CSE1L: variants seen among roughly 807,000 people sequenced by gnomAD.
The protein encoded by CSE1L is exportin-2.
A neutral mutation model predicts 120.4 loss-of-function variants in CSE1L; 24 were observed. The ratio of observed to expected loss-of-function variants is 0.20; its 90% CI spans 0.14 to 0.28. The LOEUF (loss-of-function observed/expected upper bound fraction) is 0.28, where lower values mean the gene tolerates loss of function less well. Among genes scored for constraint, CSE1L ranks in the 10% least tolerant of loss-of-function variants. The pLI is 1.00. For missense variants in CSE1L, 830 were observed against 1,145.2 expected, an observed-to-expected ratio of 0.72 and a Z score of 3.97; for synonymous variants, 402 against 398.3, an observed-to-expected ratio of 1.01 and a Z score of -0.11.
chr20:49,081,637 G>A (rs941044667), intron 14 of CSE1L, among the ~76,000 whole-genome samples: 5 of 152,086 alleles, frequency 3.3e-5, no homozygotes, highest in East Asian at 1.9e-4. Flanking sequence ...TCTTTTCGGT[G>A]AACTGTGAAT....
intron 10 of CSE1L, among the ~76,000 whole-genome samples, chr20:49,073,949 C>T (rs1025351642): frequency 6.6e-6 from 1 of 151,850 alleles, no homozygotes; most frequent in African/African-American, 2.4e-5. Flanking sequence ...GTGTGGTGGC[C>T]CATACCTTTA....
Position 49,075,269 on chromosome 20 carries a change from T to G in CSE1L, c.1133-49T>G, listed in dbSNP as rs145472077. The stretch of plus-strand genomic sequence containing the variant: ...TTTTCTTATAAATTGGATCAGCTTG[T>G]TGGTGGTTGTTTTTTTTCCCCATAA... On this transcript the variant is annotated intron_variant, in intron 11 of 24. Transcript: ENST00000262982. 6.8e-4 allele frequency: 947 copies of G among 1,402,954 alleles called. 1 individual carries two copies. Among genetic ancestry groups the G allele is most frequent in the Middle Eastern group, 4.1e-3 (23 of 5,604 alleles). The allele number at this position is 1,402,954 out of a possible 1,614,324, so 86.9% of individuals were successfully genotyped here.
chr20:49,077,970 C>T (rs1376154881), intron 13 of CSE1L, among the ~76,000 whole-genome samples: 1 of 151,902 alleles, frequency 6.6e-6, no homozygotes, highest in Non-Finnish European at 1.5e-5. Context: ...TGCCACTGCA[C>T]TCTAGCCTGG....
chr20:49,047,162 C>T (rs1203577981), intron 1 of CSE1L, among the ~76,000 whole-genome samples: 1 of 152,152 alleles, frequency 6.6e-6, no homozygotes. Flanking sequence ...TGGGTTCATT[C>T]CAGACGTAGC....
intron 1 of CSE1L, among the ~76,000 whole-genome samples, chr20:49,049,021 G>GT (rs1219850567): frequency 2.0e-5 from 3 of 152,210 alleles, no homozygotes; most frequent in African/African-American, 7.2e-5. Flanking sequence ...TTGAGGGCCT[G>GT]TGGGAAGATG....
intron 21 of CSE1L, among the ~76,000 whole-genome samples, chr20:49,091,716 C>G (rs1054669280): frequency 2.6e-5 from 4 of 152,154 alleles, no homozygotes; most frequent in Non-Finnish European, 5.9e-5. Flanking sequence ...GTGAAACCTT[C>G]TCACAAGAAA....
intron 7 of CSE1L, among the ~76,000 whole-genome samples, chr20:49,069,167 G>A (rs1341818811): frequency 6.6e-6 from 1 of 152,050 alleles, no homozygotes; most frequent in Admixed American, 6.6e-5. Flanking sequence ...ATTAACATTT[G>A]GGGAATCATG....
In CSE1L at chr20:49,094,232, C is replaced by T; in HGVS notation, c.2540C>T (p.Thr847Ile). 1 of 1,612,706 alleles carries T rather than the reference C, an allele frequency of 6.2e-7. No homozygotes were observed. The highest frequency in any genetic ancestry group is 1.3e-5 in the African/African-American group (1 of 74,978). ...VEKKICAVGI[T>I]KLLTECPPMM... ...AAAAAGATCTGTGCGGTTGGCATAA[C>T]CAAATTACTAACAGAATGTCCCCCA... Residue 847 changes from threonine (T) to isoleucine (I), a missense_variant, in exon 23 of 25, where the codon ACC becomes ATC. Thr to Ile is a moderately conservative substitution (Grantham distance 89). Transcript: ENST00000262982.
At chr20:49,077,135 T>G in intron 13 of CSE1L, 71 bp downstream of exon 13, 1 of 772,256 alleles carries the variant, frequency 1.3e-6, no homozygotes, top group Non-Finnish European at 2.1e-6. Flanking sequence ...CAGCTTCCTA[T>G]CCTTGTTCCC....
At chr20:49,092,000 A>G (rs2092105467) in intron 21 of CSE1L, 46 bp from the exon 22 acceptor site, 1 of 1,012,002 alleles carries the variant, frequency 9.9e-7, no homozygotes, top group South Asian at 1.4e-5. Flanking sequence ...TTACCAGTTT[A>G]GTGCGTGAGT....
intron 1 of CSE1L, among the ~76,000 whole-genome samples, chr20:49,055,821 A>G (rs1600587467): frequency 6.6e-6 from 1 of 152,236 alleles, no homozygotes; most frequent in Admixed American, 6.5e-5. Flanking sequence ...CCTTATATCT[A>G]TCACCGAGAT....
At chr20:49,089,486 TGTCA>T (rs2093447387) in intron 18 of CSE1L, 48 bp from the exon 19 acceptor site, 2 of 1,606,594 alleles carry the variant, frequency 1.2e-6, no homozygotes, top group African/African-American at 1.3e-5. Flanking sequence ...GGGCCTTTTG[TGTCA>T]GTCATTCCTT....
intron 6 of CSE1L, among the ~76,000 whole-genome samples, 167 bp from the exon 7 acceptor site, chr20:49,068,548 G>A (rs2091910288): frequency 6.6e-6 from 1 of 152,178 alleles, no homozygotes; most frequent in African/African-American, 2.4e-5. Flanking sequence ...GCAGCGAGCC[G>A]AGATTGTGCC....
intron 5 of CSE1L, among the ~76,000 whole-genome samples, 159 bp from the exon 6 acceptor site, chr20:49,067,031 C>CAAA (rs60161542): frequency 0.16 from 15,463 of 99,560 alleles, 3,106 homozygotes; most frequent in Non-Finnish European, 0.2. Flanking sequence ...GACTCCGTCT[C>CAAA]AAAAAAAAAA....
intron 1 of CSE1L, among the ~76,000 whole-genome samples, chr20:49,047,060 C>T (rs892601639): frequency 2.0e-5 from 3 of 152,188 alleles, no homozygotes; most frequent in South Asian, 2.1e-4. Context: ...CATAGAAATC[C>T]CCTGTAACGC....
intron 1 of CSE1L, among the ~76,000 whole-genome samples, chr20:49,057,474 A>T (rs1465206384): frequency 2.3e-5 from 3 of 130,648 alleles, no homozygotes; most frequent in Admixed American, 1.6e-4. Context: ...TTTTTTTTTA[A>T]GACAGGTCTT....
chr20:49,095,223 G>T, intron 24 of CSE1L: 1 of 553,084 alleles, frequency 1.8e-6, no homozygotes, highest in Non-Finnish European at 3.2e-6. Flanking sequence ...ATGTAATAAG[G>T]CTGTATAGTT....
intron 6 of CSE1L, among the ~76,000 whole-genome samples, chr20:49,067,520 T>C (rs943137560): frequency 9.9e-5 from 15 of 152,182 alleles, no homozygotes; most frequent in African/African-American, 3.4e-4. Context: ...AGGAATGTTA[T>C]AAAAGCAAAT....
intron 10 of CSE1L, among the ~76,000 whole-genome samples, chr20:49,073,644 C>T (rs1193976856): frequency 6.6e-6 from 1 of 152,192 alleles, no homozygotes; most frequent in Non-Finnish European, 1.5e-5. Flanking sequence ...CACCACCATG[C>T]TCAGCTAGTT....
Sources: allele counts gnomAD v4.1 joint callset (sites outside exome capture counted in the v4.1 genomes callset), GRCh38; gene constraint gnomAD v4.1.1; transcripts MANE v1.5; gene names NCBI Gene and HGNC (gene_info 2026-07-23, HGNC 2026-07-21).